The following ITGA3 variants were observed in gnomAD, a reference collection of about 807,000 sequenced individuals.
ITGA3 encodes the protein integrin subunit alpha 3.
A neutral mutation model predicts 131.1 loss-of-function variants in ITGA3; 70 were observed. The ratio of observed to expected loss-of-function variants is 0.53; its 90% confidence interval spans 0.44 to 0.65. The LOEUF is 0.65. Ranked by LOEUF, ITGA3 falls within the 30% of genes least tolerant of loss-of-function variation. ITGA3 has a pLI of 0.00. For synonymous variants in ITGA3, 537 were observed against 571.6 expected, an observed-to-expected ratio of 0.94 and a Z score of 0.86; for missense variants, 1,098 against 1,388.6, an observed-to-expected ratio of 0.79 and a Z score of 3.33.
In ITGA3 at chr17:50,056,431, C is replaced by CT; in HGVS notation, c.-8dup. ...CGCTCTCGCCGGGACCCCGCTTCCG[C>CT]TGGCAGCCATGGGCCCCGGCCCCAG... On this transcript the variant is annotated 5_prime_UTR_variant, in exon 1 of 26. Transcript: ENST00000320031. This position sits in a 1 kb window ranked among gnomAD's most constrained non-coding sequence, Gnocchi z 5.6. The CT allele has an allele frequency of 6.8e-7, 1 of 1,479,030 alleles. No individual in the cohort carries two copies. Among genetic ancestry groups the CT allele is most frequent in the Non-Finnish European group, 8.9e-7 (1 of 1,118,984 alleles). 91.6% of individuals were successfully genotyped at this position (1,479,030 alleles called of 1,614,324 possible).
intron 7 of ITGA3, 114 bp downstream of exon 7, chr17:50,072,296 A>G: frequency 1.0e-6 from 1 of 957,906 alleles, no homozygotes; most frequent in South Asian, 1.5e-5. Flanking sequence ...CAGATGAGAC[A>G]GGATGGGGCC....
chr17:50,071,254 A>G, intron 5 of ITGA3, 57 bp from the exon 6 acceptor site: 4 of 1,471,804 alleles, frequency 2.7e-6, no homozygotes, highest in South Asian at 1.2e-5. Flanking sequence ...ATGGGTCCAG[A>G]GTAGAAAGAG....
At position 50,064,610 on chromosome 17, in the gene ITGA3, A is replaced by G; in HGVS notation, c.414+3A>G. 1 of 1,610,728 alleles carries G rather than the reference A, an allele frequency of 6.2e-7. No individual in the cohort carries two copies. The highest frequency in any genetic ancestry group is 1.1e-5 in the South Asian group (1 of 89,858). On this transcript the variant is annotated splice_donor_region_variant and intron_variant, in intron 3 of 25. Transcript: ENST00000320031. The surrounding 1 kb of genome is among the most constrained non-coding windows in gnomAD (Gnocchi z 4.4). Reference sequence around the variant, plus strand: ...AGGGCCCTGCAGGCAGAGTTCTGGTAAGTGGGTGCTCAGTGTTGGCTCCTC... The same window carrying G: ...AGGGCCCTGCAGGCAGAGTTCTGGTGAGTGGGTGCTCAGTGTTGGCTCCTC...
Position 50,088,301 on chromosome 17 carries a change from C to G in ITGA3, c.3122C>G (p.Pro1041Arg). 6.3e-7 allele frequency: 1 copy of G among 1,588,196 alleles called. No homozygotes were observed. The highest frequency in any genetic ancestry group is 1.1e-5 in the South Asian group (1 of 87,382). ...CAGAAGGCGGAGATGAAGAGCCAGC[C>G]GTCAGAGACAGAGAGGCTGACCGAC... Reference protein sequence around the residue: ...KRQKAEMKSQPSETERLTDDY With the variant: ...KRQKAEMKSQRSETERLTDDY Residue 1041 changes from proline to arginine, a missense_variant, in exon 25 of 26, where the codon CCG becomes CGG. By Grantham distance (103) the Pro-to-Arg change is moderately radical. Around this residue, in one of 3 missense-constraint regions of ITGA3, gnomAD observed 699 missense variants for 829.2 expected, o/e 0.84. Coordinates refer to ENST00000320031, the MANE Select transcript of ITGA3 (RefSeq NM_002204.4).
At chr17:50,061,578 C>T (rs1416298907) in intron 1 of ITGA3, among the ~76,000 whole-genome samples, 1 of 152,272 alleles carries the variant, frequency 6.6e-6, no homozygotes, top group East Asian at 1.9e-4. Flanking sequence ...TCTGAGCCCC[C>T]GCTGTAGAGT....
intron 1 of ITGA3, among the ~76,000 whole-genome samples, chr17:50,060,571 GC>G (rs771417113): frequency 5.3e-5 from 8 of 152,216 alleles, no homozygotes; most frequent in Non-Finnish European, 8.8e-5. Context: ...GCCAAGAGGG[GC>G]TGTTTGGCTG....
chr17:50,080,272 C>G lies in ITGA3; in HGVS notation c.2717C>G (p.Thr906Arg). Residue 906 changes from threonine (T) to arginine (R), a missense_variant, in exon 22 of 26, where the codon ACA becomes AGA. By Grantham distance (71) the Thr-to-Arg change is moderately conservative. Around this residue, in one of 3 missense-constraint regions of ITGA3, gnomAD observed 699 missense variants for 829.2 expected, o/e 0.84. Coordinates refer to ENST00000320031, the MANE Select transcript of ITGA3 (RefSeq NM_002204.4). ...CCCTGCCCGCCTCAGACCTGTGCCA[C>G]AGGGCGTGCCCACTGTGTGTGGCTA... ...AKSETVLTCA[T>R]GRAHCVWLEC... 6.2e-7 allele frequency: 1 copy of G among 1,609,178 alleles called. No homozygotes were observed. Among genetic ancestry groups the G allele is most frequent in the Non-Finnish European group, 8.5e-7 (1 of 1,176,606 alleles).
chr17:50,077,157 G>T, intron 15 of ITGA3, 36 bp downstream of exon 15: 1 of 1,508,010 alleles, frequency 6.6e-7, no homozygotes, highest in African/African-American at 1.4e-5. Flanking sequence ...GCCCAAGCAG[G>T]GCTCCCCGCG....
chr17:50,087,065 A>G (rs1476555143), intron 23 of ITGA3: 2 of 152,088 alleles, frequency 1.3e-5, no homozygotes, highest in Non-Finnish European at 2.9e-5. Context: ...AAAATAAAAT[A>G]AAATAAAATA....
At chr17:50,074,386 C>T (rs191359305) in intron 9 of ITGA3, 62 bp from the exon 10 acceptor site, 145 of 1,599,152 alleles carry the variant, frequency 9.1e-5, no homozygotes, top group Non-Finnish European at 1.2e-4. Context: ...AGCCTGGGCC[C>T]CAACTCTGGC....
In ITGA3 at chr17:50,090,068, T is replaced by G. The variant is rs1909644499; in HGVS notation, c.*990T>G. ...AGATGTTGGGAGGATACAGAGGAGA[T>G]GCCACTTCTCACTCACCACTACCAG... is the stretch of plus-strand genomic sequence containing the variant. On this transcript the variant is annotated 3_prime_UTR_variant, in exon 26 of 26. Coordinates refer to ENST00000320031, the MANE Select transcript of ITGA3 (RefSeq NM_002204.4). 3.0e-6 allele frequency: 1 copy of G among 332,672 alleles called. No individual in the cohort carries two copies. Among genetic ancestry groups the G allele is most frequent in the Non-Finnish European group, 6.2e-6 (1 of 162,140 alleles). The allele number at this position is 332,672 out of a possible 1,614,324, so 20.6% of individuals were successfully genotyped here.
chr17:50,073,171 C>G (rs1908705405), intron 7 of ITGA3, among the ~76,000 whole-genome samples: 1 of 152,164 alleles, frequency 6.6e-6, no homozygotes, highest in Admixed American at 6.5e-5. Flanking sequence ...AAGCTGCAAA[C>G]TGGAAAGAGT....
chr17:50,074,362 G>T (rs565192521), intron 9 of ITGA3, 82 bp downstream of exon 9: 3 of 1,599,108 alleles, frequency 1.9e-6, no homozygotes, highest in Non-Finnish European at 2.6e-6. Flanking sequence ...CCATGTTTGC[G>T]CTAGCTCCTT....
chr17:50,071,039 T>G, intron 5 of ITGA3, 109 bp downstream of exon 5: 1 of 811,106 alleles, frequency 1.2e-6, no homozygotes, highest in Non-Finnish European at 2.2e-6. Flanking sequence ...TTAGTTAAAC[T>G]AGCACACACG....
chr17:50,073,626 A>ACACACGCACACACG (rs1555555000), intron 7 of ITGA3, among the ~76,000 whole-genome samples: 16 of 134,138 alleles, frequency 1.2e-4, no homozygotes, highest in African/African-American at 4.4e-4. Context: ...ACACACACAC[A>ACACACGCACACACG]CACACACGCA....
intron 24 of ITGA3, 68 bp from the exon 25 acceptor site, chr17:50,088,157 C>G: frequency 6.6e-7 from 1 of 1,505,154 alleles, no homozygotes; most frequent in Non-Finnish European, 8.9e-7. Context: ...CCCTGGTCCA[C>G]GAGTGCTGCT....
chr17:50,061,280 G>A (rs946311192), intron 1 of ITGA3, among the ~76,000 whole-genome samples: 1 of 152,154 alleles, frequency 6.6e-6, no homozygotes, highest in Non-Finnish European at 1.5e-5. Flanking sequence ...GGTGGTAAGG[G>A]GAAGTATTTC....
intron 23 of ITGA3, 90 bp downstream of exon 23, chr17:50,081,498 C>A: frequency 1.0e-6 from 1 of 953,544 alleles, no homozygotes; most frequent in Non-Finnish European, 1.6e-6. Flanking sequence ...GCACTTCAGC[C>A]ATATGGTTCT....
chr17:50,060,913 C>T (rs1473931951), intron 1 of ITGA3, among the ~76,000 whole-genome samples: 1 of 152,156 alleles, frequency 6.6e-6, no homozygotes, highest in Non-Finnish European at 1.5e-5. Flanking sequence ...ATTTCATTTG[C>T]ATACAGTAAG....
Sources: allele counts gnomAD v4.1 joint callset (sites outside exome capture counted in the v4.1 genomes callset), GRCh38; gene constraint gnomAD v4.1.1; regional missense constraint gnomAD v4.1.1; non-coding constraint Gnocchi (gnomAD v3.1); transcripts MANE v1.5; gene names NCBI Gene and HGNC (gene_info 2026-07-23, HGNC 2026-07-21).